Variants in CDH4 observed in about 807,000 individuals in gnomAD.
The protein encoded by CDH4 is cadherin 4, also known as cadherin-4.
A neutral mutation model predicts 86.0 loss-of-function variants in CDH4; 33 were observed. The ratio of observed to expected loss-of-function variants is 0.38; its 90% CI spans 0.29 to 0.51. The LOEUF (loss-of-function observed/expected upper bound fraction) is 0.51. CDH4 is among the 20% of genes least tolerant of loss of function. The pLI, the probability that CDH4 is intolerant of heterozygous loss-of-function variation, is 0.86. For missense variants in CDH4, 1,114 were observed against 1,307.4 expected, an observed-to-expected ratio of 0.85 and a Z score of 2.28; for synonymous variants, 555 against 549.4, an observed-to-expected ratio of 1.01 and a Z score of -0.14.
chr20:61,774,286 G>T (rs1361503300), intron 4 of CDH4, among the ~76,000 whole-genome samples: 1 of 152,182 alleles, frequency 6.6e-6, no homozygotes, highest in Non-Finnish European at 1.5e-5. Flanking sequence ...TTCAGGGCTT[G>T]AAGGAAGCCA....
chr20:61,431,361 T>G (rs1043827473), intron 2 of CDH4, among the ~76,000 whole-genome samples: 3,860 of 138,824 alleles, frequency 0.028, 72 homozygotes, highest in Non-Finnish European at 0.042. Flanking sequence ...TTTTGTTGGT[T>G]TTTTTTTTTT....
intron 2 of CDH4, among the ~76,000 whole-genome samples, chr20:61,499,647 C>A (rs909060488): frequency 1.1e-4 from 16 of 152,146 alleles, no homozygotes. Flanking sequence ...CAGGACAGAT[C>A]CCAGCCCACA....
At chr20:61,588,010 T>G (rs554641900) in intron 2 of CDH4, among the ~76,000 whole-genome samples, 40 of 152,356 alleles carry the variant, frequency 2.6e-4, no homozygotes, top group Non-Finnish European at 4.7e-4. Flanking sequence ...TTGTTTTCCG[T>G]GGCATTTTAA....
chr20:61,758,499 G>A (rs1239352476), intron 3 of CDH4, among the ~76,000 whole-genome samples: 1 of 152,174 alleles, frequency 6.6e-6, no homozygotes, highest in Admixed American at 6.5e-5. Flanking sequence ...GCCACGAGGA[G>A]TTAGGGGCAG....
At position 61,757,892 on chromosome 20, in the gene CDH4, G is replaced by A. The variant is rs551449055; in HGVS notation, c.396+14103G>A. 2.0e-5 allele frequency among the ~76,000 whole-genome samples: 3 copies of A among 152,312 alleles called. No homozygotes were observed. The South Asian group carries it at 6.2e-4, about 32-fold the overall frequency. On this transcript the variant is annotated intron_variant, in intron 3 of 15. Transcript: ENST00000614565. The stretch of plus-strand genomic sequence containing the variant: ...TAGCCATGCCTCTGAGGACCTTGGA[G>A]TCCCATGGGCTGGGAAGATCTGGAA...
In CDH4 at chr20:61,260,725, C is replaced by T. The variant is rs552867296; in HGVS notation, c.169+5788C>T. On this transcript the variant is annotated intron_variant, in intron 2 of 15. Transcript: ENST00000614565. ...GGCACGCAGAGCCCATGAGGGAGACCGTGGGATCTCTTTGGCCATCTCTGG... is the reference window on the plus strand; with the variant it reads ...GGCACGCAGAGCCCATGAGGGAGACTGTGGGATCTCTTTGGCCATCTCTGG... Among the ~76,000 whole-genome samples, 4 of 152,284 alleles carry T rather than the reference C, an allele frequency of 2.6e-5. No homozygotes were observed. The South Asian group carries it at 8.3e-4, about 32-fold the overall frequency.
chr20:61,311,308 TG>T (rs1404628207), intron 2 of CDH4, among the ~76,000 whole-genome samples: 1 of 152,234 alleles, frequency 6.6e-6, no homozygotes, highest in African/African-American at 2.4e-5. Context: ...AAGGAAAAGA[TG>T]GATCTGACTC....
At chr20:61,300,296 C>A (rs1424320400) in intron 2 of CDH4, among the ~76,000 whole-genome samples, 1 of 152,100 alleles carries the variant, frequency 6.6e-6, no homozygotes, top group African/African-American at 2.4e-5. Flanking sequence ...GAAAAATGAG[C>A]AGGAGAAGGG....
At chr20:61,697,408 G>A (rs970056552) in intron 2 of CDH4, among the ~76,000 whole-genome samples, 1 of 152,278 alleles carries the variant, frequency 6.6e-6, no homozygotes, top group Non-Finnish European at 1.5e-5. Context: ...GACTAGCCTG[G>A]CCAACATGGT....
chr20:61,675,829 G>C (rs1325429100), intron 2 of CDH4, among the ~76,000 whole-genome samples: 1 of 152,040 alleles, frequency 6.6e-6, no homozygotes, highest in Non-Finnish European at 1.5e-5. Context: ...CATCGCAGGG[G>C]CTGAGGCTTT....
rs919020802 is a variant in CDH4 at position 61,708,649 on chromosome 20, G to A, written c.170-34914G>A. 6.6e-6 allele frequency among the ~76,000 whole-genome samples: 1 copy of A among 151,920 alleles called. No individual in the cohort carries two copies. The highest frequency in any genetic ancestry group is 2.4e-5 in the African/African-American group (1 of 41,358). On this transcript the variant is annotated intron_variant, in intron 2 of 15. Transcript: ENST00000614565. The surrounding 1 kb of genome is among the most constrained non-coding windows in gnomAD (Gnocchi z 4.5). ...TGCCTGGAGCCCCTCCCAGACGTTT[G>A]CACCCCACCCCTTCCCATCCTTGGG...
chr20:61,767,878 A>G (rs2088719106), intron 3 of CDH4, among the ~76,000 whole-genome samples: 1 of 152,220 alleles, frequency 6.6e-6, no homozygotes, highest in Admixed American at 6.5e-5. Flanking sequence ...GGACGGCTCC[A>G]TGAAACATCC....
intron 2 of CDH4, among the ~76,000 whole-genome samples, chr20:61,706,320 G>T (rs377359854): frequency 1.3e-5 from 2 of 152,040 alleles, no homozygotes; most frequent in East Asian, 1.9e-4. Flanking sequence ...GGGCCGGGGG[G>T]GATGAGAGAC....
intron 6 of CDH4, among the ~76,000 whole-genome samples, chr20:61,860,075 G>A (rs999791558): frequency 2.0e-5 from 3 of 152,384 alleles, no homozygotes; most frequent in Middle Eastern, 3.4e-3. Flanking sequence ...AGGGGCAGGC[G>A]TCTATGTGGC....
chr20:61,361,694 A>C (rs772685880), intron 2 of CDH4, among the ~76,000 whole-genome samples: 1 of 152,168 alleles, frequency 6.6e-6, no homozygotes, highest in Admixed American at 6.5e-5. Context: ...AGGGTCTAAG[A>C]AGGGAGAGCT....
chr20:61,458,059 CGGTGGT>C (rs566907327), intron 2 of CDH4, among the ~76,000 whole-genome samples: 141 of 137,484 alleles, frequency 1.0e-3, no homozygotes, highest in African/African-American at 3.7e-3. Context: ...GTGGTGGCAG[CGGTGGT>C]GGTGGTGGTG....
rs557235438 is a variant in CDH4 at position 61,720,940 on chromosome 20, C to T, written c.170-22623C>T. ...TTAAACCTGACTTGTTGGCTACAGG[C>T]GAGTGCCTGGTGGTTTCTGGGCATT... On this transcript the variant is annotated intron_variant, in intron 2 of 15. Transcript: ENST00000614565. Among the ~76,000 whole-genome samples, 7 of 152,264 alleles carry T rather than the reference C, an allele frequency of 4.6e-5. 1 individual carries two copies. In the South Asian group the frequency reaches 1.5e-3, roughly 32 times the overall value.
At chr20:61,853,583 G>A (rs1982841811) in intron 6 of CDH4, among the ~76,000 whole-genome samples, 1 of 152,172 alleles carries the variant, frequency 6.6e-6, no homozygotes, top group Non-Finnish European at 1.5e-5. Flanking sequence ...TCTGCCGTCT[G>A]TGACTGCCAA....
chr20:61,440,421 A>G (rs1475736939), intron 2 of CDH4, among the ~76,000 whole-genome samples: 1 of 152,250 alleles, frequency 6.6e-6, no homozygotes, highest in African/African-American at 2.4e-5. Flanking sequence ...CAACAAGTCA[A>G]GTAGGACGCA....
Sources: allele counts gnomAD v4.1 joint callset (sites outside exome capture counted in the v4.1 genomes callset), GRCh38; gene constraint gnomAD v4.1.1; non-coding constraint Gnocchi (gnomAD v3.1); transcripts MANE v1.5; gene names NCBI Gene and HGNC (gene_info 2026-07-23, HGNC 2026-07-21).